The following SLC10A7 variants were observed in gnomAD, a reference collection of about 807,000 sequenced individuals.
The protein encoded by SLC10A7 is sodium/bile acid cotransporter 7.
SLC10A7 carries 29 observed loss-of-function variants against 43.2 expected under a neutral mutation model. That is an observed-to-expected ratio of 0.67 (90% CI 0.50 to 0.92). The LOEUF is 0.92. Ranked by LOEUF, SLC10A7 falls within the 40% of genes least tolerant of loss-of-function variation. SLC10A7 has a pLI of 0.00. For synonymous variants in SLC10A7, 152 were observed against 144.8 expected, an observed-to-expected ratio of 1.05 and a Z score of -0.35; for missense variants, 295 against 403.2, an observed-to-expected ratio of 0.73 and a Z score of 2.30.
chr4:146,268,431 A>G (rs900773921), intron 10 of SLC10A7, among the ~76,000 whole-genome samples: 1 of 152,132 alleles, frequency 6.6e-6, no homozygotes, highest in Non-Finnish European at 1.5e-5. Context: ...GTAATCTAAG[A>G]CCTTTAGAAA....
intron 5 of SLC10A7, among the ~76,000 whole-genome samples, chr4:146,389,722 G>T (rs35906185): frequency 1.3e-5 from 2 of 152,200 alleles, no homozygotes; most frequent in Non-Finnish European, 2.9e-5. Context: ...AGGGCAGGGA[G>T]GGGGAATGGC....
At chr4:146,319,376 C>T (rs1410581816) in intron 6 of SLC10A7, among the ~76,000 whole-genome samples, 1 of 151,996 alleles carries the variant, frequency 6.6e-6, no homozygotes. Flanking sequence ...GCTCAAATAT[C>T]ATTTTCTCAG....
chr4:146,358,401 A>C (rs1403359646), intron 5 of SLC10A7, among the ~76,000 whole-genome samples: 1 of 152,170 alleles, frequency 6.6e-6, no homozygotes, highest in Non-Finnish European at 1.5e-5. Flanking sequence ...TTGTTTATTG[A>C]AGTATAATAT....
chr4:146,404,845 A>G (rs1289038114), intron 5 of SLC10A7, among the ~76,000 whole-genome samples: 1 of 152,136 alleles, frequency 6.6e-6, no homozygotes, highest in Non-Finnish European at 1.5e-5. Flanking sequence ...AAATAAACTA[A>G]AGATGAAGTC....
chr4:146,485,023 C>A (rs1734791185), intron 4 of SLC10A7, among the ~76,000 whole-genome samples: 1 of 152,098 alleles, frequency 6.6e-6, no homozygotes, highest in Non-Finnish European at 1.5e-5. Context: ...ACTGTATAGA[C>A]CAATGTCAAT....
intron 9 of SLC10A7, among the ~76,000 whole-genome samples, chr4:146,288,476 T>C (rs1730184821): frequency 6.6e-6 from 1 of 152,220 alleles, no homozygotes; most frequent in Admixed American, 6.5e-5. Context: ...ACACAACTAG[T>C]AAGTTGGTTG....
At chr4:146,305,380 T>C (rs1578839010) in intron 7 of SLC10A7, among the ~76,000 whole-genome samples, 1 of 138,696 alleles carries the variant, frequency 7.2e-6, no homozygotes, top group East Asian at 2.2e-4. Flanking sequence ...AACAATGAGA[T>C]CACATGGACA....
At chr4:146,336,064 A>G (rs1733876761) in intron 5 of SLC10A7, among the ~76,000 whole-genome samples, 1 of 152,080 alleles carries the variant, frequency 6.6e-6, no homozygotes, top group African/African-American at 2.4e-5. Context: ...ATTTTAAAAA[A>G]TGGATTTAGA....
intron 2 of SLC10A7, among the ~76,000 whole-genome samples, chr4:146,511,701 C>A (rs766495332): frequency 6.6e-6 from 1 of 152,142 alleles, no homozygotes; most frequent in African/African-American, 2.4e-5. Flanking sequence ...AGAAAACACT[C>A]AGCCTACCAG....
chr4:146,382,071 T>C (rs1446550708), intron 5 of SLC10A7, among the ~76,000 whole-genome samples: 1 of 152,062 alleles, frequency 6.6e-6, no homozygotes, highest in African/African-American at 2.4e-5. Context: ...AAAAAAAATC[T>C]AATCTGACAA....
At chr4:146,374,201 C>T (rs572329559) in intron 5 of SLC10A7, among the ~76,000 whole-genome samples, 40 of 152,194 alleles carry the variant, frequency 2.6e-4, no homozygotes, top group South Asian at 4.2e-4. Context: ...AGCGTTTTGT[C>T]GAGATTACAT....
At chr4:146,407,199 TCTTTCACAATATTTAA>T (rs1410577921) in intron 5 of SLC10A7, among the ~76,000 whole-genome samples, 3 of 152,144 alleles carry the variant, frequency 2.0e-5, no homozygotes, top group Non-Finnish European at 4.4e-5. Context: ...ACTCTAATCC[TCTTTCACAATATTTAA>T]GCAGTTTTAT....
At position 146,346,917 on chromosome 4, in the gene SLC10A7, G is replaced by A. The variant is rs968152811; in HGVS notation, c.436-20921C>T. On this transcript the variant is annotated intron_variant, in intron 5 of 11. Transcript: ENST00000335472. The stretch of plus-strand genomic sequence containing the variant: ...ACTCTATGATAGGCATACCCAAGAG[G>A]AGGGGGGAAACAAAGATAAAGGTGG... Among the ~76,000 whole-genome samples, 12 of 152,182 alleles carry A rather than the reference G, an allele frequency of 7.9e-5. 1 individual carries two copies. The highest frequency in any genetic ancestry group is 7.2e-4 in the Admixed American group (11 of 15,274).
At chr4:146,437,717 T>C (rs1328765602) in intron 5 of SLC10A7, among the ~76,000 whole-genome samples, 2 of 152,064 alleles carry the variant, frequency 1.3e-5, no homozygotes, top group African/African-American at 2.4e-5. Flanking sequence ...AAATTAACAA[T>C]TGAATCTTAT....
chr4:146,391,438 A>C (rs969761069), intron 5 of SLC10A7, among the ~76,000 whole-genome samples: 2 of 152,216 alleles, frequency 1.3e-5, no homozygotes, highest in African/African-American at 4.8e-5. Flanking sequence ...AAAAAGCGTA[A>C]AGTAAAAACA....
chr4:146,434,564 A>G (rs1006107680), intron 5 of SLC10A7, among the ~76,000 whole-genome samples: 1 of 151,886 alleles, frequency 6.6e-6, no homozygotes, highest in African/African-American at 2.4e-5. Flanking sequence ...AGTTGTTTTT[A>G]TTTTTTGTTT....
chr4:146,487,329 T>C (rs1735009210), intron 4 of SLC10A7, among the ~76,000 whole-genome samples: 1 of 152,222 alleles, frequency 6.6e-6, no homozygotes, highest in Admixed American at 6.5e-5. Flanking sequence ...TTCTGCCAAT[T>C]TCCCCCCAGT....
intron 5 of SLC10A7, among the ~76,000 whole-genome samples, chr4:146,367,014 T>A (rs1347513995): frequency 6.6e-6 from 1 of 152,140 alleles, no homozygotes; most frequent in African/African-American, 2.4e-5. Context: ...TTTGTTTTTT[T>A]TTGTTTTTGT....
chr4:146,321,691 C>T (rs2149701343), intron 6 of SLC10A7, among the ~76,000 whole-genome samples: 1 of 152,170 alleles, frequency 6.6e-6, no homozygotes, highest in Middle Eastern at 3.4e-3. Context: ...CACACCTTTG[C>T]CTATCAAAGT....
Sources: gnomAD v4.1 joint callset for allele counts (sites outside exome capture counted in the v4.1 genomes callset) on GRCh38, gnomAD v4.1.1 for gene constraint, MANE v1.5 for transcripts, NCBI Gene and HGNC (gene_info 2026-07-23, HGNC 2026-07-21) for gene names.